Variants in TXN observed in about 807,000 individuals in gnomAD.
TXN encodes the protein thioredoxin.
A neutral mutation model predicts 16.5 loss-of-function variants in TXN; 10 were observed. That is an observed-to-expected ratio of 0.61 (90% CI 0.37 to 1.03). The LOEUF (loss-of-function observed/expected upper bound fraction) is 1.03. Ranked by LOEUF, TXN falls within the 50% of genes least tolerant of loss-of-function variation. The pLI, the probability that TXN is intolerant of heterozygous loss-of-function variation, is 0.01. For missense variants in TXN, 71 were observed against 122.5 expected, an observed-to-expected ratio of 0.58 and a Z score of 1.98; for synonymous variants, 35 against 39.4, an observed-to-expected ratio of 0.89 and a Z score of 0.42.
At chr9:110,250,324 A>C (rs1183114269) in intron 3 of TXN, among the ~76,000 whole-genome samples, 2 of 152,252 alleles carry the variant, frequency 1.3e-5, no homozygotes, top group Non-Finnish European at 2.9e-5. Context: ...AATTTCTTCC[A>C]AATTATTCTC....
chr9:110,245,647 TATATA>T (rs1398339463), intron 3 of TXN, among the ~76,000 whole-genome samples: 124 of 28,732 alleles, frequency 4.3e-3, no homozygotes, highest in South Asian at 8.1e-3. Context: ...TATATATATA[TATATA>T]TATTTTTTTT....
intron 1 of TXN, among the ~76,000 whole-genome samples, chr9:110,255,324 A>C (rs1837795514): frequency 6.6e-6 from 1 of 152,216 alleles, no homozygotes; most frequent in South Asian, 2.1e-4. Flanking sequence ...TGCATTTAAC[A>C]AATATTTCTG....
At chr9:110,253,558 G>A (rs1837768287) in intron 1 of TXN, among the ~76,000 whole-genome samples, 1 of 152,132 alleles carries the variant, frequency 6.6e-6, no homozygotes, top group Non-Finnish European at 1.5e-5. Flanking sequence ...TTTTTAACAT[G>A]ATTAACCCTT....
At chr9:110,246,532 A>G (rs747222958) in intron 3 of TXN, among the ~76,000 whole-genome samples, 1 of 152,212 alleles carries the variant, frequency 6.6e-6, no homozygotes, top group Non-Finnish European at 1.5e-5. Context: ...AAAGAAATAT[A>G]GAACCACTCA....
intron 3 of TXN, among the ~76,000 whole-genome samples, chr9:110,246,620 G>A (rs1837664149): frequency 6.6e-6 from 1 of 152,084 alleles, no homozygotes; most frequent in South Asian, 2.1e-4. Flanking sequence ...GGAAACCAAC[G>A]GAGAATTCTC....
intron 1 of TXN, among the ~76,000 whole-genome samples, chr9:110,253,994 G>A (rs962701738): frequency 4.6e-5 from 7 of 152,166 alleles, no homozygotes; most frequent in Non-Finnish European, 1.0e-4. Context: ...GGTTTCTGAA[G>A]TACTTAGCCA....
chr9:110,256,315 C>CTCCCGCCACCGCCT lies in TXN; in HGVS notation c.24+83_24+96dup. 1 of 1,338,770 alleles carries CTCCCGCCACCGCCT rather than the reference C, an allele frequency of 7.5e-7. No homozygotes were observed. 82.9% of individuals were successfully genotyped at this position (1,338,770 alleles called of 1,614,324 possible). ...CGATGCGGAGGGGCGGCCTCCGCAC[C>CTCCCGCCACCGCCT]TCCCGCCACCGCCTTCCCCACCTCC... On this transcript the variant is annotated intron_variant, in intron 1 of 4. Coordinates refer to ENST00000374517, the MANE Select transcript of TXN (RefSeq NM_003329.4). This position sits in a 1 kb window ranked among gnomAD's most constrained non-coding sequence, Gnocchi z 4.2.
At chr9:110,255,102 T>C (rs1239415190) in intron 1 of TXN, among the ~76,000 whole-genome samples, 1 of 152,044 alleles carries the variant, frequency 6.6e-6, no homozygotes, top group Admixed American at 6.5e-5. Flanking sequence ...TCAATAATAA[T>C]CAAAGGAACA....
intron 1 of TXN, among the ~76,000 whole-genome samples, chr9:110,251,837 G>C (rs1417969137): frequency 6.6e-6 from 1 of 152,140 alleles, no homozygotes; most frequent in Non-Finnish European, 1.5e-5. Flanking sequence ...CTAGGTATAT[G>C]GTAGACATTC....
At position 110,251,444 on chromosome 9, in the gene TXN, A is replaced by G. The variant is rs373394120; in HGVS notation, c.43T>C (p.Leu15=). The change falls in exon 2 of 5, where the codon TTG becomes CTG. Residue 15 remains leucine (L), a synonymous_variant. Coordinates refer to ENST00000374517, the MANE Select transcript of TXN (RefSeq NM_003329.4). ...IESKTAFQEA[L]DAAGDKLVVV... is the part of the protein sequence containing the mutation. ...ACAAGTTTATCACCTGCAGCGTCCA[A>G]GGCTTCCTGAAAAGCAGTCTAACAG... 4 of 1,611,530 alleles carry G rather than the reference A, an allele frequency of 2.5e-6. No individual in the cohort carries two copies. In the African/African-American group the frequency reaches 4.0e-5, roughly 16 times the overall value.
At chr9:110,250,104 G>A (rs947648960) in intron 3 of TXN, among the ~76,000 whole-genome samples, 1 of 152,242 alleles carries the variant, frequency 6.6e-6, no homozygotes, top group Non-Finnish European at 1.5e-5. Context: ...CAAGGGCTGG[G>A]AAGCCAGACC....
At position 110,256,475 on chromosome 9, in the gene TXN, T is replaced by C. The variant is rs1049927; in HGVS notation, c.-40A>G. ...TCTGACGAGCGGCTGTAAGGACCGA[T>C]GGAAATGGATCCAAAGCACCAAACA... On this transcript the variant is annotated 5_prime_UTR_variant, in exon 1 of 5. Transcript: ENST00000374517. This position sits in a 1 kb window ranked among gnomAD's most constrained non-coding sequence, Gnocchi z 4.2. The C allele has an allele frequency of 0.12, 191,533 of 1,593,916 alleles. 12,782 individuals carry two copies. Among genetic ancestry groups the C allele is most frequent in the Non-Finnish European group, 0.14 (160,542 of 1,169,486 alleles).
chr9:110,245,029 A>G, intron 3 of TXN, 186 bp from the exon 4 acceptor site: 1 of 413,158 alleles, frequency 2.4e-6, no homozygotes, highest in Non-Finnish European at 4.4e-6. Context: ...CAAACCGGTT[A>G]TATTCTCAAT....
chr9:110,244,964 G>C (rs756120445), intron 3 of TXN, 121 bp from the exon 4 acceptor site: 221 of 645,052 alleles, frequency 3.4e-4, no homozygotes, highest in Non-Finnish European at 5.4e-4. Context: ...TCCGCATGAG[G>C]ACATTTTTCA....
chr9:110,252,445 C>T (rs1337759375), intron 1 of TXN, among the ~76,000 whole-genome samples: 3 of 152,006 alleles, frequency 2.0e-5, no homozygotes, highest in Non-Finnish European at 4.4e-5. Context: ...AAACTATACC[C>T]TTGTCATTCA....
chr9:110,252,739 G>A (rs988624547), intron 1 of TXN, among the ~76,000 whole-genome samples: 1 of 152,010 alleles, frequency 6.6e-6, no homozygotes, highest in African/African-American at 2.4e-5. Flanking sequence ...TTGCCTCCGG[G>A]GTTCAAGTGA....
Position 110,256,393 on chromosome 9 carries a change from C to T in TXN, c.24+19G>A. On this transcript the variant is annotated intron_variant, in intron 1 of 4. Coordinates refer to ENST00000374517, the MANE Select transcript of TXN (RefSeq NM_003329.4). The surrounding 1 kb of genome is among the most constrained non-coding windows in gnomAD (Gnocchi z 4.2). ...CCGCGCGCGGCGCCGGCACCCTGGC[C>T]TTCCCCGGTAGCGCGTACCTTGCTC... The T allele has an allele frequency of 6.2e-7, 1 of 1,604,450 alleles. No homozygotes were observed. The highest frequency in any genetic ancestry group is 1.1e-5 in the South Asian group (1 of 89,466).
intron 3 of TXN, among the ~76,000 whole-genome samples, chr9:110,249,125 C>CAAAAAAAAAAAAAAAAAAAAAAAAAAA (rs71302631): frequency 1.9e-5 from 1 of 53,818 alleles, no homozygotes; most frequent in Non-Finnish European, 3.3e-5. Context: ...AACTCCATCT[C>CAAAAAAAAAAAAAAAAAAAAAAAAAAA]AAAAAAAAAA....
Position 110,256,380 on chromosome 9 carries a change from C to T in TXN, c.24+32G>A, listed in dbSNP as rs778170846. Reference sequence around the variant, plus strand: ...CCAGTTACAGAGGCCGCGCGCGGCGCCGGCACCCTGGCCTTCCCCGGTAGC... The same window carrying T: ...CCAGTTACAGAGGCCGCGCGCGGCGTCGGCACCCTGGCCTTCCCCGGTAGC... On this transcript the variant is annotated intron_variant, in intron 1 of 4. Transcript: ENST00000374517. The surrounding 1 kb of genome is among the most constrained non-coding windows in gnomAD (Gnocchi z 4.2). 11 of 1,599,638 alleles carry T rather than the reference C, an allele frequency of 6.9e-6. No homozygotes were observed. The highest frequency in any genetic ancestry group is 1.7e-4 in the Middle Eastern group (1 of 6,060).
Sources: allele counts gnomAD v4.1 joint callset (sites outside exome capture counted in the v4.1 genomes callset), GRCh38; gene constraint gnomAD v4.1.1; non-coding constraint Gnocchi (gnomAD v3.1); transcripts MANE v1.5; gene names NCBI Gene and HGNC (gene_info 2026-07-23, HGNC 2026-07-21).